NDUFAF2: variants seen among roughly 807,000 people sequenced by gnomAD.
NDUFAF2 encodes the protein NADH:ubiquinone oxidoreductase complex assembly factor 2.
NDUFAF2 carries 13 observed loss-of-function variants against 22.8 expected under a neutral mutation model. That is an observed-to-expected ratio of 0.57 (90% CI 0.37 to 0.91). The LOEUF is 0.91. NDUFAF2 is among the 40% of genes least tolerant of loss of function. The probability of loss-of-function intolerance (pLI) is 0.01; values close to 1 mark genes in which losing one functional copy is unlikely to be tolerated. For synonymous variants in NDUFAF2, 53 were observed against 64.2 expected, an observed-to-expected ratio of 0.83 and a Z score of 0.84; for missense variants, 162 against 195.2, an observed-to-expected ratio of 0.83 and a Z score of 1.01.
At chr5:61,059,825 A>C (rs916650771) in intron 1 of NDUFAF2, among the ~76,000 whole-genome samples, 1 of 152,124 alleles carries the variant, frequency 6.6e-6, no homozygotes, top group African/African-American at 2.4e-5. Flanking sequence ...TGTTCACATA[A>C]GTATATGTAG....
At chr5:61,076,134 G>A (rs1427834158) in intron 2 of NDUFAF2, among the ~76,000 whole-genome samples, 4 of 152,106 alleles carry the variant, frequency 2.6e-5, no homozygotes, top group African/African-American at 4.8e-5. Context: ...GCAGTGGCGC[G>A]ATCTTGGCTC....
intron 1 of NDUFAF2, among the ~76,000 whole-genome samples, chr5:60,985,394 T>G (rs1400622239): frequency 2.0e-5 from 3 of 152,200 alleles, no homozygotes; most frequent in African/African-American, 7.2e-5. Flanking sequence ...CTCTATCTCC[T>G]TCAGTTCTGC....
At chr5:60,994,505 C>T (rs1040456811) in intron 1 of NDUFAF2, among the ~76,000 whole-genome samples, 47 of 152,330 alleles carry the variant, frequency 3.1e-4, no homozygotes, top group African/African-American at 1.1e-3. Flanking sequence ...TAGCCCTGGC[C>T]GTGCTTCCCT....
intron 1 of NDUFAF2, among the ~76,000 whole-genome samples, chr5:61,016,419 A>G (rs1257376673): frequency 1.3e-5 from 2 of 152,180 alleles, no homozygotes; most frequent in Non-Finnish European, 2.9e-5. Flanking sequence ...GATTGCTTTC[A>G]TTGTATGCGT....
chr5:61,130,340 T>C (rs1753093425), intron 3 of NDUFAF2, among the ~76,000 whole-genome samples: 4 of 152,094 alleles, frequency 2.6e-5, no homozygotes. Flanking sequence ...CTTCCTAAAT[T>C]TGTTGTATGG....
intron 1 of NDUFAF2, among the ~76,000 whole-genome samples, chr5:61,035,058 A>G (rs1265453202): frequency 6.7e-6 from 1 of 149,300 alleles, no homozygotes; most frequent in African/African-American, 2.5e-5. Flanking sequence ...CCACTGCTTG[A>G]GAAGATAGTG....
chr5:61,114,594 A>G (rs1752887590), intron 3 of NDUFAF2: 1 of 152,064 alleles, frequency 6.6e-6, no homozygotes. Flanking sequence ...ATGCTTGTGG[A>G]CATTCATCGG....
intron 3 of NDUFAF2, among the ~76,000 whole-genome samples, chr5:61,132,846 T>C (rs564938659): frequency 6.6e-6 from 1 of 152,318 alleles, no homozygotes; most frequent in South Asian, 2.1e-4. Flanking sequence ...CTGACTGCTG[T>C]ACTTCTAGTT....
At chr5:60,965,529 A>G (rs1380817810) in intron 1 of NDUFAF2, among the ~76,000 whole-genome samples, 1 of 151,624 alleles carries the variant, frequency 6.6e-6, no homozygotes, top group Non-Finnish European at 1.5e-5. Flanking sequence ...CCATTTCCCC[A>G]CCCCAGCCCC....
intron 3 of NDUFAF2, among the ~76,000 whole-genome samples, chr5:61,141,663 T>TG (rs1579852154): frequency 6.8e-5 from 8 of 118,396 alleles, no homozygotes; most frequent in Middle Eastern, 4.5e-3. Flanking sequence ...CAGTATATAT[T>TG]AAATGAATGA....
intron 1 of NDUFAF2, among the ~76,000 whole-genome samples, chr5:60,963,255 T>C (rs1199190543): frequency 6.6e-6 from 1 of 152,200 alleles, no homozygotes; most frequent in Non-Finnish European, 1.5e-5. Context: ...TGATATAAGT[T>C]ACATAGTGAA....
intron 1 of NDUFAF2, among the ~76,000 whole-genome samples, chr5:61,034,072 T>C (rs1041318191): frequency 6.6e-6 from 1 of 152,112 alleles, no homozygotes; most frequent in Non-Finnish European, 1.5e-5. Flanking sequence ...GGCAGTGCTA[T>C]AGGGATTTGG....
At chr5:61,111,152 T>G (rs761978124) in intron 3 of NDUFAF2, among the ~76,000 whole-genome samples, 3 of 152,220 alleles carry the variant, frequency 2.0e-5, no homozygotes, top group Non-Finnish European at 4.4e-5. Flanking sequence ...ATTTCTAGTT[T>G]TATTCCATTG....
At chr5:61,042,514 G>A (rs1487753026) in intron 1 of NDUFAF2, among the ~76,000 whole-genome samples, 1 of 152,094 alleles carries the variant, frequency 6.6e-6, no homozygotes. Flanking sequence ...ATCTGAGAAA[G>A]GATAAACTAA....
intron 1 of NDUFAF2, among the ~76,000 whole-genome samples, chr5:60,998,694 A>ATT (rs1394304659): frequency 6.7e-6 from 1 of 148,808 alleles, no homozygotes; most frequent in Non-Finnish European, 1.5e-5. Flanking sequence ...TAAAAATTCC[A>ATT]TTTTTTTTTT....
chr5:61,102,980 A>C (rs1752720767), intron 3 of NDUFAF2, among the ~76,000 whole-genome samples: 1 of 152,140 alleles, frequency 6.6e-6, no homozygotes, highest in African/African-American at 2.4e-5. Context: ...GAGCACCCAC[A>C]ACTTTTATAC....
At chr5:61,058,144 A>G (rs1247349452) in intron 1 of NDUFAF2, among the ~76,000 whole-genome samples, 3 of 152,160 alleles carry the variant, frequency 2.0e-5, no homozygotes, top group Non-Finnish European at 4.4e-5. Flanking sequence ...CTAGAAGTCA[A>G]TCACATAATC....
At chr5:61,046,426 G>A (rs1354317283) in intron 1 of NDUFAF2, among the ~76,000 whole-genome samples, 1 of 151,990 alleles carries the variant, frequency 6.6e-6, no homozygotes, top group Non-Finnish European at 1.5e-5. Context: ...CAGGTCCTGA[G>A]CTTTTCTTTG....
At chr5:60,952,327 A>G (rs1337712989) in intron 1 of NDUFAF2, among the ~76,000 whole-genome samples, 2 of 151,934 alleles carry the variant, frequency 1.3e-5, no homozygotes, top group African/African-American at 2.4e-5. Flanking sequence ...ATTTTTTAAT[A>G]TACATTTTTA....
Sources: gnomAD v4.1 joint callset for allele counts (sites outside exome capture counted in the v4.1 genomes callset) on GRCh38, gnomAD v4.1.1 for gene constraint, MANE v1.5 for transcripts, NCBI Gene and HGNC (gene_info 2026-07-23, HGNC 2026-07-21) for gene names.